TCFL5: variants seen among roughly 807,000 people sequenced by gnomAD.
The protein encoded by TCFL5 is transcription factor-like 5 protein.
In TCFL5, 9 loss-of-function variants were observed where a neutral mutation model predicts 44.3. The observed-to-expected ratio is 0.20, with a 90% CI of 0.12 to 0.35. The LOEUF is 0.35. TCFL5 is among the 10% of genes least tolerant of loss of function. The pLI is 1.00. For synonymous variants in TCFL5, 319 were observed against 271.6 expected (o/e 1.17, Z -1.72); for missense variants, 603 against 613.4 (o/e 0.98, Z 0.18).
chr20:62,857,373 GACA>G lies in TCFL5; in HGVS notation c.1238+19_1238+21del. Reference sequence around the variant, plus strand: ...AAGGTAATCATATATGAGTCAGCCTGACAAGCAGTCACACGTATTACCTTCTAT... The same window carrying G: ...AAGGTAATCATATATGAGTCAGCCTGAGCAGTCACACGTATTACCTTCTAT... On this transcript the variant is annotated intron_variant, in intron 4 of 5. Coordinates refer to ENST00000335351, the MANE Select transcript of TCFL5 (RefSeq NM_006602.4). 3 of 1,612,150 alleles carry G rather than the reference GACA, an allele frequency of 1.9e-6. No homozygotes were observed. The highest frequency in any genetic ancestry group is 2.5e-6 in the Non-Finnish European group (3 of 1,178,730).
intron 5 of TCFL5, among the ~76,000 whole-genome samples, chr20:62,853,129 C>G (rs1203700105): frequency 7.4e-6 from 1 of 135,484 alleles, no homozygotes; most frequent in Non-Finnish European, 1.6e-5. Context: ...CACAGAAGTA[C>G]AGTCACCCGG....
At chr20:62,856,242 G>C (rs1248910389) in intron 4 of TCFL5, among the ~76,000 whole-genome samples, 2 of 103,824 alleles carry the variant, frequency 1.9e-5, no homozygotes, top group African/African-American at 7.2e-5. Context: ...GACAAAGCAA[G>C]ACTCCGTCTC....
At chr20:62,860,955 C>T in intron 1 of TCFL5, 69 bp downstream of exon 1, 1 of 979,544 alleles carries the variant, frequency 1.0e-6, no homozygotes, top group Non-Finnish European at 1.2e-6. Context: ...CCTTTGCCTC[C>T]GCCCCGGCCC....
chr20:62,860,226 T>G lies in TCFL5; in HGVS notation c.730A>C (p.Asn244His). Residue 244 changes from asparagine (N) to histidine (H), a missense_variant, in exon 2 of 6, where the codon AAT (asparagine) becomes CAT (histidine). Physicochemically the swap from Asn to His is moderately conservative, Grantham distance 68. This residue lies in a region of TCFL5 where 540 missense variants were observed against 478.7 expected (regional missense o/e 1.13). Coordinates refer to ENST00000335351, the MANE Select transcript of TCFL5 (RefSeq NM_006602.4). ...GCAGTAGTTGTAGCCGCAGTTTTATTTTTCACTAATGCTGTACATTTGTTT... is the reference window on the plus strand; with the variant it reads ...GCAGTAGTTGTAGCCGCAGTTTTATGTTTCACTAATGCTGTACATTTGTTT... ...QQNKCTALVK[N>H]KTAATTTALQ... 1 of 1,613,926 alleles carries G rather than the reference T, an allele frequency of 6.2e-7. No individual in the cohort carries two copies. The highest frequency in any genetic ancestry group is 8.5e-7 in the Non-Finnish European group (1 of 1,179,836).
chr20:62,846,599 T>C (rs750376900), intron 5 of TCFL5, among the ~76,000 whole-genome samples: 16 of 151,938 alleles, frequency 1.1e-4, no homozygotes, highest in Non-Finnish European at 2.2e-4. Context: ...TTTGTGAACA[T>C]GAGAAGAATA....
At chr20:62,852,251 G>C (rs1239581472) in intron 5 of TCFL5, 1 of 985,334 alleles carries the variant, frequency 1.0e-6, no homozygotes, top group Non-Finnish European at 1.2e-6. Context: ...ATTTCACTAA[G>C]GTCTGCTCAC....
chr20:62,852,047 C>T lies in TCFL5; in HGVS notation c.1380+1969G>A, dbSNP rs1262759827. 19 of 981,730 alleles carry T rather than the reference C, an allele frequency of 1.9e-5. No individual in the cohort carries two copies. In the African/African-American group the frequency reaches 2.3e-4, roughly 12 times the overall value. 60.8% of individuals were successfully genotyped at this position (981,730 alleles called of 1,614,324 possible). On this transcript the variant is annotated intron_variant, in intron 5 of 5. Coordinates refer to ENST00000335351, the MANE Select transcript of TCFL5 (RefSeq NM_006602.4). ...TCTCGAACTCCTGGCCTCAAATGAT[C>T]CACCCGCCTCGGCCTCCCAAGTGCT...
At chr20:62,845,514 T>C (rs1427155443) in intron 5 of TCFL5, 3 of 1,429,602 alleles carry the variant, frequency 2.1e-6, no homozygotes, top group Non-Finnish European at 2.8e-6. Flanking sequence ...AGCCTACATA[T>C]AAAAAACACT....
At chr20:62,857,759 C>G (rs942631536) in intron 3 of TCFL5, 121 bp from the exon 4 acceptor site, 2 of 1,220,670 alleles carry the variant, frequency 1.6e-6, no homozygotes, top group Non-Finnish European at 2.2e-6. Flanking sequence ...GCACAGAGAA[C>G]CGAAACACAA....
chr20:62,846,798 A>G (rs2063749705), intron 5 of TCFL5, among the ~76,000 whole-genome samples: 1 of 151,980 alleles, frequency 6.6e-6, no homozygotes, highest in South Asian at 2.1e-4. Flanking sequence ...GAAAAAGAAA[A>G]ATAATAATAC....
intron 5 of TCFL5, among the ~76,000 whole-genome samples, chr20:62,848,779 T>TTTAC (rs1600835433): frequency 6.6e-6 from 1 of 152,064 alleles, no homozygotes; most frequent in East Asian, 1.9e-4. Context: ...GGCTCAGGCC[T>TTTAC]GTAATCCCAG....
At chr20:62,860,051 G>A in intron 2 of TCFL5, 74 bp downstream of exon 2, 1 of 1,453,790 alleles carries the variant, frequency 6.9e-7, no homozygotes, top group Non-Finnish European at 9.4e-7. Context: ...AAAGTACTTG[G>A]GACCTAACCA....
intron 1 of TCFL5, 53 bp downstream of exon 1, chr20:62,860,971 C>CCGGCCT (rs1196922801): frequency 5.5e-5 from 52 of 950,278 alleles, no homozygotes; most frequent in African/African-American, 4.6e-4. Flanking sequence ...GGCCCCGGCC[C>CCGGCCT]CGGCCTCGGC....
chr20:62,848,530 A>C (rs68091818), intron 5 of TCFL5, among the ~76,000 whole-genome samples: 19,573 of 152,062 alleles, frequency 0.13, 1,669 homozygotes, highest in African/African-American at 0.24. Flanking sequence ...CACCTGAGGT[A>C]AGATCGAGAC....
chr20:62,851,591 C>T, intron 5 of TCFL5: 2 of 985,270 alleles, frequency 2.0e-6, no homozygotes, highest in Non-Finnish European at 2.4e-6. Flanking sequence ...CATAAACGAT[C>T]CGATCAGAAT....
chr20:62,852,790 A>G (rs73157353), intron 5 of TCFL5: 226,269 of 1,289,372 alleles, frequency 0.18, 21,520 homozygotes, highest in Non-Finnish European at 0.2. Flanking sequence ...AAGCACGGTC[A>G]CCCGGTCCGC....
At position 62,857,574 on chromosome 20, in the gene TCFL5, A is replaced by G. The variant is rs758307083; in HGVS notation, c.1059T>C (p.Asn353=). The G allele has an allele frequency of 8.1e-6, 13 of 1,614,044 alleles. No homozygotes were observed. The Admixed American group carries it at 1.5e-4, about 19-fold the overall frequency. The part of the protein sequence containing the change: ...NRSRMRQLDT[N]VERRALGEIQ... ...TCTCTCCAAGGGCTCTTCGCTCTAC[A>G]TTTGTGTCCAACTGACGCATTCTAC... is the stretch of plus-strand genomic sequence containing the variant. Residue 353 remains asparagine, a synonymous_variant, in exon 4 of 6, where the codon AAT becomes AAC. Transcript: ENST00000335351.
chr20:62,857,079 C>T (rs1207034615), intron 4 of TCFL5, among the ~76,000 whole-genome samples: 8 of 152,186 alleles, frequency 5.3e-5, no homozygotes, highest in South Asian at 2.1e-4. Context: ...CTCCACAGGG[C>T]GCGCTCTTAG....
At chr20:62,851,623 T>C (rs889915410) in intron 5 of TCFL5, 8 of 985,194 alleles carry the variant, frequency 8.1e-6, no homozygotes, top group South Asian at 9.4e-5. Context: ...AGCATCGCTA[T>C]AGAATGCAAT....
Sources: gnomAD v4.1 joint callset for allele counts (sites outside exome capture counted in the v4.1 genomes callset) on GRCh38, gnomAD v4.1.1 for gene constraint, gnomAD v4.1.1 regional missense constraint, MANE v1.5 for transcripts, NCBI Gene and HGNC (gene_info 2026-07-23, HGNC 2026-07-21) for gene names.